Variants in IL16 observed in about 807,000 individuals in gnomAD.
IL16 encodes interleukin 16, also known as pro-interleukin-16.
A neutral mutation model predicts 110.1 loss-of-function variants in IL16; 67 were observed. The ratio of observed to expected loss-of-function variants is 0.61; its 90% CI spans 0.50 to 0.75. IL16 has a LOEUF of 0.75. Among genes scored for constraint, IL16 ranks in the 30% least tolerant of loss-of-function variants. The probability of loss-of-function intolerance (pLI) is 0.00; values close to 1 mark genes in which losing one functional copy is unlikely to be tolerated. For missense variants in IL16, 1,545 were observed against 1,655.0 expected, an observed-to-expected ratio of 0.93 and a Z score of 1.15; for synonymous variants, 689 against 662.9, an observed-to-expected ratio of 1.04 and a Z score of -0.61.
At chr15:81,236,224 C>G (rs1360784991) in intron 2 of IL16, among the ~76,000 whole-genome samples, 1 of 152,246 alleles carries the variant, frequency 6.6e-6, no homozygotes, top group East Asian at 1.9e-4. Flanking sequence ...AAATCCTTTG[C>G]TTTGCTGCCT....
At chr15:81,274,873 T>A (rs905710672) in intron 6 of IL16, among the ~76,000 whole-genome samples, 4 of 151,992 alleles carry the variant, frequency 2.6e-5, no homozygotes, top group Admixed American at 6.6e-5. Context: ...CCTTTGAAGG[T>A]TTTTATACTA....
intron 3 of IL16, among the ~76,000 whole-genome samples, chr15:81,260,848 A>C (rs1898124207): frequency 6.6e-6 from 1 of 151,616 alleles, no homozygotes; most frequent in Non-Finnish European, 1.5e-5. Flanking sequence ...TATTTTTAAA[A>C]AGTTACTTGC....
chr15:81,184,835 G>C (rs1421123845), intron 1 of IL16, among the ~76,000 whole-genome samples: 1 of 152,218 alleles, frequency 6.6e-6, no homozygotes, highest in East Asian at 1.9e-4. Flanking sequence ...GGATGGAAGG[G>C]TGTTGGACTA....
chr15:81,239,563 G>T (rs1226245895), intron 2 of IL16, among the ~76,000 whole-genome samples: 2 of 152,198 alleles, frequency 1.3e-5, no homozygotes, highest in Non-Finnish European at 2.9e-5. Context: ...AGCTGATGCT[G>T]CCCCTGAAGA....
chr15:81,184,501 G>T (rs748713711), intron 1 of IL16, among the ~76,000 whole-genome samples: 12 of 152,188 alleles, frequency 7.9e-5, no homozygotes, highest in Non-Finnish European at 1.5e-4. Context: ...GCTGCCCCTG[G>T]AATCCAGGCA....
chr15:81,298,110 C>A (rs3902668), intron 13 of IL16, among the ~76,000 whole-genome samples: 1 of 152,214 alleles, frequency 6.6e-6, no homozygotes, highest in Non-Finnish European at 1.5e-5. Context: ...CCTGTGGAAC[C>A]TCTGCCTCCT....
intron 2 of IL16, among the ~76,000 whole-genome samples, chr15:81,234,345 A>T (rs28706558): frequency 0.028 from 4,321 of 151,996 alleles, 219 homozygotes; most frequent in African/African-American, 0.1. Context: ...TTTCTCTCTC[A>T]TCTTGCCCTC....
At chr15:81,203,539 T>A (rs1367950677) in intron 1 of IL16, among the ~76,000 whole-genome samples, 7 of 151,968 alleles carry the variant, frequency 4.6e-5, no homozygotes, top group Non-Finnish European at 1.0e-4. Flanking sequence ...TTTCTACATA[T>A]GGCTAGCCAG....
intron 10 of IL16, among the ~76,000 whole-genome samples, chr15:81,286,759 A>G (rs1301972800): frequency 6.6e-6 from 1 of 152,162 alleles, no homozygotes; most frequent in Non-Finnish European, 1.5e-5. Context: ...AGAAGGGGCA[A>G]TGTATTAGTC....
chr15:81,260,216 A>G (rs1402364364), intron 3 of IL16, among the ~76,000 whole-genome samples: 1 of 152,220 alleles, frequency 6.6e-6, no homozygotes, highest in Non-Finnish European at 1.5e-5. Flanking sequence ...GGAAGAGCTC[A>G]TGATTTTTAT....
In IL16 at chr15:81,224,947, G is replaced by A. The variant is rs918846275; in HGVS notation, c.-101-352G>A. Among the ~76,000 whole-genome samples the A allele has an allele frequency of 1.1e-4, 16 of 152,138 alleles. No homozygotes were observed. The East Asian group carries it at 3.1e-3, about 29-fold the overall frequency. On this transcript the variant is annotated intron_variant, in intron 1 of 18. Coordinates refer to ENST00000683961, the MANE Select transcript of IL16 (RefSeq NM_172217.5). ...CTTCCAAGTTTAAAAACCTCACAAA[G>A]TACTGGCCTCTAAGATCCCTAAACT...
At chr15:81,279,906 T>C in intron 8 of IL16, 132 bp downstream of exon 8, 1 of 742,224 alleles carries the variant, frequency 1.3e-6, no homozygotes, top group Non-Finnish European at 2.3e-6. Flanking sequence ...CAGCTACTGC[T>C]TGGAGCCAGG....
Position 81,278,776 on chromosome 15 carries a change from G to A in IL16, c.791-41G>A, listed in dbSNP as rs1034701558. 2.2e-6 allele frequency: 3 copies of A among 1,356,206 alleles called. No homozygotes were observed. The African/African-American group carries it at 4.3e-5, about 20-fold the overall frequency. The allele number at this position is 1,356,206 out of a possible 1,614,324, so 84.0% of individuals were successfully genotyped here. On this transcript the variant is annotated intron_variant, in intron 6 of 18. Coordinates refer to ENST00000683961, the MANE Select transcript of IL16 (RefSeq NM_172217.5). ...AAGGTAATGATAATGCCCTTTGATT[G>A]GGCAACACTCTTCTTAGCTACACTT...
At chr15:81,205,492 A>G (rs1895984310) in intron 1 of IL16, among the ~76,000 whole-genome samples, 2 of 152,154 alleles carry the variant, frequency 1.3e-5, no homozygotes, top group African/African-American at 2.4e-5. Context: ...AATTCTTTAC[A>G]TAGCCACCAG....
chr15:81,186,927 G>A (rs1261474117), intron 1 of IL16, among the ~76,000 whole-genome samples: 1 of 152,044 alleles, frequency 6.6e-6, no homozygotes, highest in East Asian at 1.9e-4. Flanking sequence ...CTAAAGTGCT[G>A]AGATTACAAG....
chr15:81,238,872 C>G (rs1203832742), intron 2 of IL16, among the ~76,000 whole-genome samples: 2 of 146,430 alleles, frequency 1.4e-5, no homozygotes, highest in Non-Finnish European at 3.0e-5. Flanking sequence ...TTCCATCATT[C>G]CTGAAGGGTA....
intron 3 of IL16, among the ~76,000 whole-genome samples, chr15:81,263,667 G>A (rs1216130014): frequency 6.6e-6 from 1 of 152,184 alleles, no homozygotes; most frequent in Non-Finnish European, 1.5e-5. Context: ...CTGAGCAGTT[G>A]CACTGGGCTC....
intron 2 of IL16, among the ~76,000 whole-genome samples, chr15:81,230,813 G>A (rs73499349): frequency 0.08 from 12,210 of 152,134 alleles, 1,151 homozygotes; most frequent in African/African-American, 0.23. Flanking sequence ...ATGAGCTCTG[G>A]TCAAGCTGAC....
upstream of IL16, among the ~76,000 whole-genome samples, chr15:81,194,685 A>C (rs1398851170): frequency 1.3e-5 from 2 of 152,190 alleles, no homozygotes; most frequent in Non-Finnish European, 2.9e-5. Flanking sequence ...CAGATTTCTC[A>C]GTTCCGTGGG....
Sources: gnomAD v4.1 joint callset for allele counts (sites outside exome capture counted in the v4.1 genomes callset) on GRCh38, gnomAD v4.1.1 for gene constraint, MANE v1.5 for transcripts, NCBI Gene and HGNC (gene_info 2026-07-23, HGNC 2026-07-21) for gene names.